LYSMD3: variants seen among roughly 807,000 people sequenced by gnomAD.
LYSMD3 encodes LysM domain containing 3.
LYSMD3 carries 13 observed loss-of-function variants against 26.1 expected under a neutral mutation model. The ratio of observed to expected loss-of-function variants is 0.50; its 90% CI spans 0.32 to 0.79. The LOEUF is 0.79. Among genes scored for constraint, LYSMD3 ranks in the 30% least tolerant of loss-of-function variants. The pLI is 0.03. For synonymous variants in LYSMD3, 109 were observed against 119.4 expected, an observed-to-expected ratio of 0.91 and a Z score of 0.57; for missense variants, 331 against 362.5, an observed-to-expected ratio of 0.91 and a Z score of 0.71.
intron 2 of LYSMD3, among the ~76,000 whole-genome samples, chr5:90,521,166 A>G (rs1295945610): frequency 6.6e-6 from 1 of 152,120 alleles, no homozygotes; most frequent in Non-Finnish European, 1.5e-5. Context: ...GACCTGGGGC[A>G]AGTTGTTTAA....
At chr5:90,529,247 G>A (rs965039855) in intron 1 of LYSMD3, 2 of 362,982 alleles carry the variant, frequency 5.5e-6, no homozygotes, top group Non-Finnish European at 5.4e-6. Flanking sequence ...CAGTTTCCCC[G>A]ACAGTGTGAC....
rs1752990231 is a variant in LYSMD3, at chr5:90,517,996, G to GA, written c.*822dup. ...GCAATGATTTATCACAGTATATAAG[G>GA]AATTATTTCCTAAATAATGGTAATA... On this transcript the variant is annotated 3_prime_UTR_variant, in exon 3 of 3. Transcript: ENST00000315948. 6.6e-6 allele frequency: 1 copy of GA among 152,452 alleles called. No homozygotes were observed. The allele number at this position is 152,452 out of a possible 1,614,324, so 9.4% of individuals were successfully genotyped here. A position where few individuals can be genotyped will look rare whatever the true frequency, so the allele number is the denominator to read the frequency against.
intron 2 of LYSMD3, among the ~76,000 whole-genome samples, chr5:90,523,680 A>G (rs1300059880): frequency 6.6e-6 from 1 of 152,142 alleles, no homozygotes; most frequent in African/African-American, 2.4e-5. Flanking sequence ...CTGTGGATGC[A>G]TTTAAAGAGC....
intron 1 of LYSMD3, among the ~76,000 whole-genome samples, chr5:90,527,991 C>T (rs1401254432): frequency 6.6e-6 from 1 of 152,154 alleles, no homozygotes; most frequent in African/African-American, 2.4e-5. Flanking sequence ...TACATTATTA[C>T]CAAGAACTAG....
At chr5:90,524,944 A>C in intron 2 of LYSMD3, 91 bp downstream of exon 2, 1 of 1,197,860 alleles carries the variant, frequency 8.3e-7, no homozygotes, top group Non-Finnish European at 1.2e-6. Flanking sequence ...GGAGAAAGGA[A>C]TAAACAAGGT....
At position 90,519,495 on chromosome 5, in the gene LYSMD3, GAAA is replaced by G; in HGVS notation, c.256-14_256-12del. On this transcript the variant is annotated splice_polypyrimidine_tract_variant and intron_variant, in intron 2 of 2. Coordinates refer to ENST00000315948, the MANE Select transcript of LYSMD3 (RefSeq NM_198273.2). ...CTTGATATCTGCTACCTGTGGGGGGGAAAAAAAAGCAACATACAACTGAATTCC... is the reference window on the plus strand; with the variant it reads ...CTTGATATCTGCTACCTGTGGGGGGGAAAAAGCAACATACAACTGAATTCC... 6.4e-7 allele frequency: 1 copy of G among 1,556,546 alleles called. No individual in the cohort carries two copies. Among genetic ancestry groups the G allele is most frequent in the Non-Finnish European group, 8.7e-7 (1 of 1,152,112 alleles).
Position 90,515,894 on chromosome 5 carries a change from CA to C in LYSMD3, c.*2924del, listed in dbSNP as rs1372518042. 11 of 152,200 alleles carry C rather than the reference CA, an allele frequency of 7.2e-5. No individual in the cohort carries two copies. In the East Asian group the frequency reaches 2.1e-3, roughly 29 times the overall value. 9.4% of individuals were successfully genotyped at this position (152,200 alleles called of 1,614,324 possible). ...TTACCTGAGCAACATTTTTGTAATG[CA>C]AATTAAAAATGAATCCATCAGTGCA... On this transcript the variant is annotated 3_prime_UTR_variant, in exon 3 of 3. Coordinates refer to ENST00000315948, the MANE Select transcript of LYSMD3 (RefSeq NM_198273.2).
intron 1 of LYSMD3, chr5:90,526,887 G>A (rs1008913717): frequency 2.6e-5 from 4 of 152,166 alleles, no homozygotes; most frequent in Non-Finnish European, 5.9e-5. Flanking sequence ...TTTGCACATA[G>A]ATGAAAATGA....
chr5:90,525,563 T>A (rs930844474), intron 1 of LYSMD3, among the ~76,000 whole-genome samples: 1 of 152,048 alleles, frequency 6.6e-6, no homozygotes, highest in African/African-American at 2.4e-5. Flanking sequence ...GATTCTCCTG[T>A]TTCAGTCTCC....
rs1371598412 is a variant in LYSMD3, at chr5:90,517,189, C to A, written c.*1630G>T. ...ACACTTTTTGGTAATTGTCTAAGGT[C>A]CTCTAATATTTGCAAGGGCTTTAAT... On this transcript the variant is annotated 3_prime_UTR_variant, in exon 3 of 3. Coordinates refer to ENST00000315948, the MANE Select transcript of LYSMD3 (RefSeq NM_198273.2). 1 of 152,364 alleles carries A rather than the reference C, an allele frequency of 6.6e-6. No individual in the cohort carries two copies. The highest frequency in any genetic ancestry group is 6.6e-5 in the Admixed American group (1 of 15,262). 9.4% of individuals were successfully genotyped at this position (152,364 alleles called of 1,614,324 possible).
In LYSMD3 at chr5:90,515,852, G is replaced by A. The variant is rs919173702; in HGVS notation, c.*2967C>T. ...ATCTAACAGTGCAATATGCACATAC[G>A]TGGAAGAAAATACTGATTACCTGAG... On this transcript the variant is annotated 3_prime_UTR_variant, in exon 3 of 3. Coordinates refer to ENST00000315948, the MANE Select transcript of LYSMD3 (RefSeq NM_198273.2). 7 of 152,050 alleles carry A rather than the reference G, an allele frequency of 4.6e-5. No individual in the cohort carries two copies. The highest frequency in any genetic ancestry group is 1.0e-4 in the Non-Finnish European group (7 of 67,976). 9.4% of individuals were successfully genotyped at this position (152,050 alleles called of 1,614,324 possible).
Position 90,515,777 on chromosome 5 carries a change from AT to A in LYSMD3, c.*3041del, listed in dbSNP as rs1319253445. The A allele has an allele frequency of 1.3e-5, 2 of 152,212 alleles. No homozygotes were observed. Among genetic ancestry groups the A allele is most frequent in the African/African-American group, 4.8e-5 (2 of 41,476 alleles). The allele number at this position is 152,212 out of a possible 1,614,324, so 9.4% of individuals were successfully genotyped here. On this transcript the variant is annotated 3_prime_UTR_variant, in exon 3 of 3. Coordinates refer to ENST00000315948, the MANE Select transcript of LYSMD3 (RefSeq NM_198273.2). ...TTGTATAAAATACATTATACAAAAG[AT>A]TTATAGATTTTGCATACATAAAAAT...
chr5:90,522,566 A>G (rs925760378), intron 2 of LYSMD3, among the ~76,000 whole-genome samples: 1 of 151,998 alleles, frequency 6.6e-6, no homozygotes, highest in Non-Finnish European at 1.5e-5. Context: ...TATTCCAGTA[A>G]TCTCTTTATT....
intron 2 of LYSMD3, among the ~76,000 whole-genome samples, chr5:90,521,776 C>T (rs2151921305): frequency 6.6e-6 from 1 of 152,084 alleles, no homozygotes; most frequent in South Asian, 2.1e-4. Context: ...ATGCCAACTT[C>T]CTTGGTTGCA....
intron 1 of LYSMD3, among the ~76,000 whole-genome samples, chr5:90,528,026 A>G (rs1753268973): frequency 6.6e-6 from 1 of 152,222 alleles, no homozygotes; most frequent in Non-Finnish European, 1.5e-5. Flanking sequence ...CAGCTATGAA[A>G]CTAAAGAAAA....
rs1752992083 is a variant in LYSMD3, at chr5:90,518,056, C to T, written c.*763G>A. 1 of 152,396 alleles carries T rather than the reference C, an allele frequency of 6.6e-6. No homozygotes were observed. The highest frequency in any genetic ancestry group is 1.5e-5 in the Non-Finnish European group (1 of 67,914). 9.4% of individuals were successfully genotyped at this position (152,396 alleles called of 1,614,324 possible). ...AATATATTTTTCATCATCAAAACTA[C>T]AAAAGTGCTTTCAAATATCAGAGGC... is the stretch of plus-strand genomic sequence containing the variant. On this transcript the variant is annotated 3_prime_UTR_variant, in exon 3 of 3. Transcript: ENST00000315948.
In LYSMD3 at chr5:90,516,681, A is replaced by T. The variant is rs1752959391; in HGVS notation, c.*2138T>A. On this transcript the variant is annotated 3_prime_UTR_variant, in exon 3 of 3. Transcript: ENST00000315948. ...TTTATATAGAATTATATGTAACTCAAATTATATTCAATTAATTCAAATATA... is the reference window on the plus strand; with the variant it reads ...TTTATATAGAATTATATGTAACTCATATTATATTCAATTAATTCAAATATA... The T allele has an allele frequency of 6.6e-6, 1 of 152,366 alleles. No individual in the cohort carries two copies. The highest frequency in any genetic ancestry group is 2.4e-5 in the African/African-American group (1 of 41,436). 9.4% of individuals were successfully genotyped at this position (152,366 alleles called of 1,614,324 possible).
At position 90,518,615 on chromosome 5, in the gene LYSMD3, TCA is replaced by T. The variant is rs1464288681; in HGVS notation, c.*202_*203del. The stretch of plus-strand genomic sequence containing the variant: ...TTAAATTAATTTCTGCTTGAAACAT[TCA>T]CACACCAGATTTATGGATCAACTGC... On this transcript the variant is annotated 3_prime_UTR_variant, in exon 3 of 3. Transcript: ENST00000315948. 2.2e-6 allele frequency: 1 copy of T among 456,358 alleles called. No individual in the cohort carries two copies. The highest frequency in any genetic ancestry group is 2.0e-5 in the African/African-American group (1 of 50,212). The allele number at this position is 456,358 out of a possible 1,614,324, so 28.3% of individuals were successfully genotyped here.
intron 1 of LYSMD3, among the ~76,000 whole-genome samples, chr5:90,529,042 GTT>G (rs35909850): frequency 0.02 from 3,114 of 152,296 alleles, 108 homozygotes; most frequent in African/African-American, 0.071. Context: ...CACACGTCAA[GTT>G]TTTCTTTCCC....
Sources: allele counts gnomAD v4.1 joint callset (sites outside exome capture counted in the v4.1 genomes callset), GRCh38; gene constraint gnomAD v4.1.1; transcripts MANE v1.5; gene names NCBI Gene and HGNC (gene_info 2026-07-23, HGNC 2026-07-21).